PPP6C: variants seen among roughly 807,000 people sequenced by gnomAD.
The protein encoded by PPP6C is protein phosphatase 6 catalytic subunit.
A neutral mutation model predicts 39.8 loss-of-function variants in PPP6C; 11 were observed. The observed-to-expected ratio is 0.28, with a 90% CI of 0.17 to 0.46. The LOEUF (loss-of-function observed/expected upper bound fraction) is 0.46, where lower values mean the gene tolerates loss of function less well. Ranked by LOEUF, PPP6C falls within the 20% of genes least tolerant of loss-of-function variation. The pLI, the probability that PPP6C is intolerant of heterozygous loss-of-function variation, is 1.00. For missense variants in PPP6C, 211 were observed against 373.9 expected (o/e 0.56, Z 3.59); for synonymous variants, 129 against 130.3 (o/e 0.99, Z 0.07).
intron 3 of PPP6C, among the ~76,000 whole-genome samples, chr9:125,158,652 A>C (rs1359212703): frequency 1.3e-5 from 2 of 151,642 alleles, no homozygotes; most frequent in African/African-American, 2.4e-5. Context: ...AAAAAAAACC[A>C]CCATTTTTTT....
intron 1 of PPP6C, among the ~76,000 whole-genome samples, chr9:125,173,626 T>C (rs899743092): frequency 5.3e-5 from 8 of 151,924 alleles, no homozygotes; most frequent in South Asian, 4.2e-4. Context: ...CTTTTTTAAT[T>C]TTATTTTTTT....
rs568398986 is a variant in PPP6C, at chr9:125,181,863, T to C, written c.75+7781A>G. 9.5e-4 allele frequency among the ~76,000 whole-genome samples: 145 copies of C among 152,344 alleles called. 1 individual carries two copies. Among genetic ancestry groups the C allele is most frequent in the South Asian group, 2.3e-3 (11 of 4,832 alleles). On this transcript the variant is annotated intron_variant, in intron 1 of 6. Coordinates refer to ENST00000373547, the MANE Select transcript of PPP6C (RefSeq NM_002721.5). ...AAATGGCATTTCTAGTTCTAGATCCTTGAGGAATCGCTACACTGTCTTCCA... is the reference window on the plus strand; with the variant it reads ...AAATGGCATTTCTAGTTCTAGATCCCTGAGGAATCGCTACACTGTCTTCCA...
intron 2 of PPP6C, among the ~76,000 whole-genome samples, chr9:125,169,010 C>G (rs1341314830): frequency 6.6e-6 from 1 of 152,342 alleles, no homozygotes; most frequent in South Asian, 2.1e-4. Context: ...CTGCCTGCCT[C>G]AGCCTCCCAA....
At chr9:125,189,019 A>G in intron 1 of PPP6C, 1 of 1,180,170 alleles carries the variant, frequency 8.5e-7, no homozygotes. Flanking sequence ...CACTTCAGTA[A>G]GCTCAACAAC....
chr9:125,166,527 TTC>T (rs1564151695), intron 2 of PPP6C, among the ~76,000 whole-genome samples: 1 of 132,258 alleles, frequency 7.6e-6, no homozygotes, highest in African/African-American at 3.0e-5. Context: ...ACAAGTATTT[TTC>T]TTTTTCTTTT....
In PPP6C at chr9:125,153,563, A is replaced by G; in HGVS notation, c.639T>C (p.Gly213=). ...TTGTGACCTTTGCTCCAAAAAGCCA[A>G]CCTGCTCCTCGGGGACTGATAGCCC... is the stretch of plus-strand genomic sequence containing the variant. ...DTWAISPRGA[G]WLFGAKVTNE... is the part of the protein sequence containing the mutation. Residue 213 remains glycine (G), a synonymous_variant, in exon 6 of 7, where the codon GGT becomes GGC. Coordinates refer to ENST00000373547, the MANE Select transcript of PPP6C (RefSeq NM_002721.5). The G allele has an allele frequency of 6.2e-7, 1 of 1,614,128 alleles. No individual in the cohort carries two copies. Among genetic ancestry groups the G allele is most frequent in the Non-Finnish European group, 8.5e-7 (1 of 1,180,024 alleles).
intron 5 of PPP6C, 67 bp downstream of exon 5, chr9:125,153,839 A>G: frequency 6.5e-7 from 1 of 1,527,776 alleles, no homozygotes; most frequent in Non-Finnish European, 9.1e-7. Context: ...TGAGATGACA[A>G]CTAGATAAAA....
intron 3 of PPP6C, among the ~76,000 whole-genome samples, chr9:125,159,291 C>T (rs574099799): frequency 6.6e-6 from 1 of 151,188 alleles, no homozygotes; most frequent in Non-Finnish European, 1.5e-5. Context: ...TCAGGTGATC[C>T]ACCTGCCTCG....
At chr9:125,173,474 A>G (rs1474507489) in intron 1 of PPP6C, among the ~76,000 whole-genome samples, 1 of 147,058 alleles carries the variant, frequency 6.8e-6, no homozygotes, top group African/African-American at 2.5e-5. Context: ...GCTACTCGGG[A>G]GGATGAGGCA....
At chr9:125,181,308 CT>C (rs1378164460) in intron 1 of PPP6C, among the ~76,000 whole-genome samples, 1 of 151,920 alleles carries the variant, frequency 6.6e-6, no homozygotes. Flanking sequence ...AATATTTTTT[CT>C]TTCTTTTTTT....
At chr9:125,168,015 T>G (rs1468628118) in intron 2 of PPP6C, among the ~76,000 whole-genome samples, 1 of 152,172 alleles carries the variant, frequency 6.6e-6, no homozygotes, top group African/African-American at 2.4e-5. Context: ...GGCATTTTAT[T>G]TTACTGTGCA....
intron 2 of PPP6C, among the ~76,000 whole-genome samples, chr9:125,163,205 T>G (rs1312376026): frequency 2.0e-5 from 3 of 152,072 alleles, no homozygotes; most frequent in Non-Finnish European, 4.4e-5. Flanking sequence ...GAATAAAAAT[T>G]ATGACGAAAA....
chr9:125,174,536 T>C (rs1343869038), intron 1 of PPP6C, among the ~76,000 whole-genome samples: 3 of 151,724 alleles, frequency 2.0e-5, no homozygotes, highest in Admixed American at 6.6e-5. Context: ...CCTGTTTGTG[T>C]TGAATTTTCC....
Position 125,189,762 on chromosome 9 carries a change from A to AGCAGCGGCGGCGGCAGCG in PPP6C, c.-62_-45dup. On this transcript the variant is annotated 5_prime_UTR_variant, in exon 1 of 7. Coordinates refer to ENST00000373547, the MANE Select transcript of PPP6C (RefSeq NM_002721.5). ...CGGCAACAGCGGCGGCGGCGGCTGT[A>AGCAGCGGCGGCGGCAGCG]GCAGCGGCGGCGGCAGCGGCGGAGG... The AGCAGCGGCGGCGGCAGCG allele has an allele frequency of 1.9e-6, 3 of 1,547,488 alleles. No homozygotes were observed. Among genetic ancestry groups the AGCAGCGGCGGCGGCAGCG allele is most frequent in the Non-Finnish European group, 2.6e-6 (3 of 1,148,284 alleles).
At chr9:125,172,296 C>A (rs573263050) in intron 1 of PPP6C, among the ~76,000 whole-genome samples, 1 of 152,186 alleles carries the variant, frequency 6.6e-6, no homozygotes, top group South Asian at 2.1e-4. Context: ...CAGTTCACTG[C>A]AAACTGCCTC....
chr9:125,160,028 AAAT>A (rs1472435220), intron 3 of PPP6C, among the ~76,000 whole-genome samples: 1 of 152,206 alleles, frequency 6.6e-6, no homozygotes, highest in African/African-American at 2.4e-5. Context: ...CAAAAAAAAA[AAAT>A]AAGAAAGTGA....
chr9:125,156,744 G>GCTCTCTCTCTCT (rs61252351), intron 4 of PPP6C, among the ~76,000 whole-genome samples: 57 of 141,440 alleles, frequency 4.0e-4, no homozygotes, highest in Non-Finnish European at 6.5e-4. Context: ...TAATAAGCTC[G>GCTCTCTCTCTCT]CTCTCTCTCT....
Position 125,147,307 on chromosome 9 carries a change from C to G in PPP6C, c.*2366G>C, listed in dbSNP as rs988312336. 1 of 152,124 alleles carries G rather than the reference C, an allele frequency of 6.6e-6. No homozygotes were observed. The highest frequency in any genetic ancestry group is 2.4e-5 in the African/African-American group (1 of 41,436). 9.4% of individuals were successfully genotyped at this position (152,124 alleles called of 1,614,324 possible). A position where few individuals can be genotyped will look rare whatever the true frequency, so the allele number is the denominator to read the frequency against. On this transcript the variant is annotated 3_prime_UTR_variant, in exon 7 of 7. Transcript: ENST00000373547. ...AAAATAGTTTTTACCCCCATTGATA[C>G]AACATAAGGGATTTTACATTCAGCC... is the stretch of plus-strand genomic sequence containing the variant.
chr9:125,153,503 A>C (rs1836000462), intron 6 of PPP6C, 30 bp downstream of exon 6: 2 of 1,602,160 alleles, frequency 1.2e-6, no homozygotes, highest in Admixed American at 1.7e-5. Flanking sequence ...AGCAATCCAC[A>C]AATTACATTT....
Sources: gnomAD v4.1 joint callset for allele counts (sites outside exome capture counted in the v4.1 genomes callset) on GRCh38, gnomAD v4.1.1 for gene constraint, MANE v1.5 for transcripts, NCBI Gene and HGNC (gene_info 2026-07-23, HGNC 2026-07-21) for gene names.